TRIM24: variants seen among roughly 807,000 people sequenced by gnomAD.
TRIM24 encodes the protein transcription intermediary factor 1-alpha.
TRIM24 carries 29 observed loss-of-function variants against 123.9 expected under a neutral mutation model. The ratio of observed to expected loss-of-function variants is 0.23; its 90% CI spans 0.17 to 0.32. The LOEUF (loss-of-function observed/expected upper bound fraction) is 0.32. Among genes scored for constraint, TRIM24 ranks in the 10% least tolerant of loss-of-function variants. The probability of loss-of-function intolerance (pLI) is 1.00; values close to 1 mark genes in which losing one functional copy is unlikely to be tolerated. For synonymous variants in TRIM24, 456 were observed against 461.1 expected (o/e 0.99, Z 0.14); for missense variants, 932 against 1,295.3 (o/e 0.72, Z 4.31).
intron 17 of TRIM24, among the ~76,000 whole-genome samples, chr7:138,583,648 A>G (rs1029892914): frequency 1.3e-5 from 2 of 152,202 alleles, no homozygotes; most frequent in African/African-American, 4.8e-5. Flanking sequence ...AACTTTTGGA[A>G]AAAGTCACAC....
intron 7 of TRIM24, among the ~76,000 whole-genome samples, chr7:138,541,311 G>C (rs555357850): frequency 3.9e-5 from 6 of 152,066 alleles, no homozygotes; most frequent in African/African-American, 1.4e-4. Context: ...AAAGACATGA[G>C]AATCAGAATT....
Position 138,460,369 on chromosome 7 carries a change from G to A in TRIM24, c.-180G>A. On this transcript the variant is annotated 5_prime_UTR_variant, in exon 1 of 19. Transcript: ENST00000343526. ...CTCCTTCCGGCCGCGCCACTCGGGA[G>A]GCGGATCCCGTGGGCCTGAGGAGGC... 9.3e-6 allele frequency: 5 copies of A among 538,750 alleles called. No individual in the cohort carries two copies. The highest frequency in any genetic ancestry group is 1.4e-5 in the Non-Finnish European group (5 of 355,058). 33.4% of individuals were successfully genotyped at this position (538,750 alleles called of 1,614,324 possible).
In TRIM24 at chr7:138,586,600, A is replaced by T. The variant is rs1798024259; in HGVS notation, c.*1649A>T. 2 of 152,238 alleles carry T rather than the reference A, an allele frequency of 1.3e-5. No individual in the cohort carries two copies. The highest frequency in any genetic ancestry group is 4.8e-5 in the African/African-American group (2 of 41,466). The allele number at this position is 152,238 out of a possible 1,614,324, so 9.4% of individuals were successfully genotyped here. On this transcript the variant is annotated 3_prime_UTR_variant, in exon 19 of 19. Transcript: ENST00000343526. ...TACTCACTTTTCAAATATGTGTTAC[A>T]TGGTAATGTTTGTCATTGTTGTTTT...
intron 6 of TRIM24, among the ~76,000 whole-genome samples, chr7:138,530,659 G>T (rs1796712647): frequency 1.3e-5 from 2 of 151,668 alleles, no homozygotes; most frequent in South Asian, 2.1e-4. Flanking sequence ...AAGAGGGGGG[G>T]TTTTGACACG....
chr7:138,482,543 C>T (rs1455165939), intron 1 of TRIM24, among the ~76,000 whole-genome samples: 1 of 152,146 alleles, frequency 6.6e-6, no homozygotes, highest in East Asian at 1.9e-4. Flanking sequence ...TACACATATG[C>T]CTGAAAACCT....
At chr7:138,525,387 T>A in intron 5 of TRIM24, 30 bp downstream of exon 5, 4 of 1,259,244 alleles carry the variant, frequency 3.2e-6, no homozygotes, top group Non-Finnish European at 4.3e-6. Flanking sequence ...TAATCATTTT[T>A]ATATAATTTG....
chr7:138,516,925 A>G (rs1796410488), intron 3 of TRIM24, among the ~76,000 whole-genome samples: 1 of 150,856 alleles, frequency 6.6e-6, no homozygotes, highest in South Asian at 2.1e-4. Context: ...CCTTGCCAAC[A>G]TGGTGAAACC....
At chr7:138,468,454 AT>A (rs1254789703) in intron 1 of TRIM24, among the ~76,000 whole-genome samples, 3 of 151,474 alleles carry the variant, frequency 2.0e-5, no homozygotes, top group African/African-American at 7.3e-5. Flanking sequence ...TTTGCCTGAT[AT>A]TAATGCCATT....
chr7:138,531,758 G>A (rs2116592240), intron 6 of TRIM24, among the ~76,000 whole-genome samples: 1 of 152,290 alleles, frequency 6.6e-6, no homozygotes, highest in Non-Finnish European at 1.5e-5. Context: ...GGGTCAAATG[G>A]TATTTCTAGT....
At chr7:138,493,415 T>C (rs1795838011) in intron 1 of TRIM24, among the ~76,000 whole-genome samples, 1 of 152,250 alleles carries the variant, frequency 6.6e-6, no homozygotes, top group Admixed American at 6.5e-5. Context: ...AGGTCTAAAG[T>C]TGTCTATTAG....
chr7:138,545,774 A>G (rs888386959), intron 7 of TRIM24, among the ~76,000 whole-genome samples: 4 of 152,200 alleles, frequency 2.6e-5, no homozygotes, highest in African/African-American at 7.2e-5. Context: ...TGCTCAGAGA[A>G]TAATGGGGAC....
chr7:138,465,394 T>G (rs1795114643), intron 1 of TRIM24, among the ~76,000 whole-genome samples: 1 of 152,230 alleles, frequency 6.6e-6, no homozygotes, highest in South Asian at 2.1e-4. Flanking sequence ...TATAATATTG[T>G]GTAGTATTTT....
intron 1 of TRIM24, among the ~76,000 whole-genome samples, chr7:138,497,638 G>A (rs1406636544): frequency 9.2e-5 from 14 of 151,814 alleles, no homozygotes; most frequent in Admixed American, 2.6e-4. Context: ...CAGGTGATCC[G>A]TCCGCCTCGG....
At chr7:138,461,228 C>G (rs774586859) in intron 1 of TRIM24, 5 of 627,762 alleles carry the variant, frequency 8.0e-6, no homozygotes, top group Non-Finnish European at 1.2e-5. Flanking sequence ...CTCCTGCAGC[C>G]GGAATCTCGG....
intron 9 of TRIM24, 91 bp from the exon 10 acceptor site, chr7:138,567,390 A>C: frequency 7.9e-7 from 1 of 1,265,918 alleles, no homozygotes; most frequent in Non-Finnish European, 1.1e-6. Context: ...GCAGAGTTCT[A>C]TTTTTCTGTA....
intron 1 of TRIM24, among the ~76,000 whole-genome samples, chr7:138,471,175 T>C (rs1157906959): frequency 6.6e-6 from 1 of 152,230 alleles, no homozygotes; most frequent in Non-Finnish European, 1.5e-5. Context: ...TCTGAAAGCA[T>C]TAGTTGACAA....
chr7:138,525,540 C>A (rs1384322030), intron 5 of TRIM24, among the ~76,000 whole-genome samples, 183 bp downstream of exon 5: 1 of 152,102 alleles, frequency 6.6e-6, no homozygotes, highest in African/African-American at 2.4e-5. Flanking sequence ...AATTTCAAAA[C>A]TAATAATAAA....
At chr7:138,574,593 A>G (rs893549857) in intron 12 of TRIM24, among the ~76,000 whole-genome samples, 2 of 152,224 alleles carry the variant, frequency 1.3e-5, no homozygotes, top group Non-Finnish European at 2.9e-5. Context: ...ACTAGTGGTC[A>G]TAAGAAAAAT....
Position 138,589,311 on chromosome 7 carries a change from T to C in TRIM24, c.*4360T>C, listed in dbSNP as rs1358046347. 1 of 152,210 alleles carries C rather than the reference T, an allele frequency of 6.6e-6. No homozygotes were observed. The highest frequency in any genetic ancestry group is 2.4e-5 in the African/African-American group (1 of 41,464). 9.4% of individuals were successfully genotyped at this position (152,210 alleles called of 1,614,324 possible). On this transcript the variant is annotated 3_prime_UTR_variant, in exon 19 of 19. Transcript: ENST00000343526. Reference sequence around the variant, plus strand: ...GACATCTGAGGCAGTAGTCTTCGTCTTTAATTTTTGGGGGCAGATTGGTGC... The same window carrying C: ...GACATCTGAGGCAGTAGTCTTCGTCCTTAATTTTTGGGGGCAGATTGGTGC...
Sources: gnomAD v4.1 joint callset for allele counts (sites outside exome capture counted in the v4.1 genomes callset) on GRCh38, gnomAD v4.1.1 for gene constraint, MANE v1.5 for transcripts, NCBI Gene and HGNC (gene_info 2026-07-23, HGNC 2026-07-21) for gene names.